The following UNC5C variants were observed in gnomAD, a reference collection of about 807,000 sequenced individuals.
UNC5C encodes the protein unc-5 netrin receptor C.
In UNC5C, 47 loss-of-function variants were observed where a neutral mutation model predicts 99.8. The observed-to-expected ratio is 0.47, with a 90% CI of 0.37 to 0.60. The LOEUF (loss-of-function observed/expected upper bound fraction) is 0.60, where lower values mean the gene tolerates loss of function less well. Among genes scored for constraint, UNC5C ranks in the 20% least tolerant of loss-of-function variants. The pLI is 0.00. For missense variants in UNC5C, 1,062 were observed against 1,165.9 expected (o/e 0.91, Z 1.30); for synonymous variants, 487 against 452.2 (o/e 1.08, Z -0.98).
chr4:95,377,772 G>A (rs1387237062), intron 1 of UNC5C, among the ~76,000 whole-genome samples: 3 of 152,134 alleles, frequency 2.0e-5, no homozygotes, highest in Non-Finnish European at 4.4e-5. Flanking sequence ...CTGTGTTCAC[G>A]CCCTACAGTT....
intron 1 of UNC5C, among the ~76,000 whole-genome samples, chr4:95,361,677 A>T (rs1371443430): frequency 6.6e-6 from 1 of 152,178 alleles, no homozygotes; most frequent in Non-Finnish European, 1.5e-5. Context: ...TTCAGTAGTC[A>T]AGAGTGCAGA....
At chr4:95,412,275 G>A (rs893939423) in intron 1 of UNC5C, among the ~76,000 whole-genome samples, 11 of 151,922 alleles carry the variant, frequency 7.2e-5, no homozygotes, top group Admixed American at 4.6e-4. Flanking sequence ...CGTTAATATC[G>A]CTCCACACAA....
chr4:95,219,762 A>G (rs1186838112), intron 8 of UNC5C, among the ~76,000 whole-genome samples: 1 of 152,232 alleles, frequency 6.6e-6, no homozygotes, highest in Non-Finnish European at 1.5e-5. Context: ...ATTAGAAGTT[A>G]AAAAGTGACA....
chr4:95,181,586 G>A (rs903955005), intron 14 of UNC5C, among the ~76,000 whole-genome samples: 1 of 152,146 alleles, frequency 6.6e-6, no homozygotes, highest in African/African-American at 2.4e-5. Context: ...GAGCCAGCAG[G>A]GGTGGTGCTG....
intron 1 of UNC5C, among the ~76,000 whole-genome samples, chr4:95,517,079 A>G (rs1458970385): frequency 6.6e-6 from 1 of 152,190 alleles, no homozygotes; most frequent in Admixed American, 6.5e-5. Context: ...TTTTTCTCAA[A>G]AACTAACTGT....
chr4:95,216,073 C>T, intron 10 of UNC5C, 51 bp downstream of exon 10: 3 of 1,496,958 alleles, frequency 2.0e-6, no homozygotes, highest in Non-Finnish European at 2.8e-6. Context: ...GTACAATTCT[C>T]CTCCAAGTTA....
At chr4:95,405,910 G>A (rs1745819639) in intron 1 of UNC5C, among the ~76,000 whole-genome samples, 1 of 152,124 alleles carries the variant, frequency 6.6e-6, no homozygotes, top group Admixed American at 6.5e-5. Context: ...TGTCATCACA[G>A]TAAATGGAAA....
intron 1 of UNC5C, among the ~76,000 whole-genome samples, chr4:95,337,891 C>T (rs868067396): frequency 6.6e-6 from 1 of 151,894 alleles, no homozygotes; most frequent in South Asian, 2.1e-4. Context: ...TAGAGAGATG[C>T]CTTAGCCAAC....
At chr4:95,360,577 G>A (rs1007256357) in intron 1 of UNC5C, among the ~76,000 whole-genome samples, 3 of 152,176 alleles carry the variant, frequency 2.0e-5, no homozygotes, top group Admixed American at 6.5e-5. Context: ...TGTTCCTTAT[G>A]AGCCAGAAAT....
intron 9 of UNC5C, among the ~76,000 whole-genome samples, chr4:95,218,023 T>C (rs1180496687): frequency 6.6e-6 from 1 of 152,108 alleles, no homozygotes; most frequent in Non-Finnish European, 1.5e-5. Context: ...AATGAAAGAG[T>C]GAATGACAGG....
intron 1 of UNC5C, among the ~76,000 whole-genome samples, chr4:95,355,340 A>G (rs754919217): frequency 6.6e-5 from 10 of 152,134 alleles, no homozygotes; most frequent in Non-Finnish European, 1.2e-4. Flanking sequence ...TTGAATGTCT[A>G]TTTTGGTATC....
intron 1 of UNC5C, among the ~76,000 whole-genome samples, chr4:95,426,039 C>CTT (rs1466883568): frequency 6.6e-6 from 1 of 152,102 alleles, no homozygotes; most frequent in East Asian, 1.9e-4. Flanking sequence ...TTTTATTGCA[C>CTT]TTTTCTTTAT....
chr4:95,413,185 T>C (rs972214400), intron 1 of UNC5C, among the ~76,000 whole-genome samples: 1 of 152,172 alleles, frequency 6.6e-6, no homozygotes. Context: ...CTTGATTTGT[T>C]GGAGTTATAA....
intron 4 of UNC5C, among the ~76,000 whole-genome samples, chr4:95,256,447 C>G (rs1218404506): frequency 2.0e-5 from 3 of 152,010 alleles, no homozygotes; most frequent in African/African-American, 4.8e-5. Flanking sequence ...TCTTTCTTAG[C>G]CCATTCAATG....
intron 8 of UNC5C, among the ~76,000 whole-genome samples, chr4:95,219,633 A>C (rs761364280): frequency 6.6e-6 from 1 of 152,200 alleles, no homozygotes; most frequent in East Asian, 1.9e-4. Flanking sequence ...TCCCTGGTCT[A>C]TACTGGATTT....
intron 3 of UNC5C, among the ~76,000 whole-genome samples, chr4:95,284,829 G>A (rs572989932): frequency 1.6e-4 from 24 of 152,132 alleles, no homozygotes; most frequent in Admixed American, 2.0e-4. Context: ...GCCAATGTGC[G>A]TATTTACAAA....
At chr4:95,382,721 T>C (rs1239265842) in intron 1 of UNC5C, among the ~76,000 whole-genome samples, 1 of 152,172 alleles carries the variant, frequency 6.6e-6, no homozygotes, top group Non-Finnish European at 1.5e-5. Flanking sequence ...GGCAATGGGA[T>C]AAATAGCCTT....
At chr4:95,462,282 A>G (rs993005498) in intron 1 of UNC5C, among the ~76,000 whole-genome samples, 5 of 152,238 alleles carry the variant, frequency 3.3e-5, no homozygotes, top group Non-Finnish European at 2.9e-5. Context: ...CAACAAAAAA[A>G]TGGGACATTC....
chr4:95,334,948 C>T (rs1743274508), intron 2 of UNC5C, among the ~76,000 whole-genome samples: 1 of 151,956 alleles, frequency 6.6e-6, no homozygotes, highest in Non-Finnish European at 1.5e-5. Context: ...TACTTTGAAT[C>T]TATGACATTT....
Sources: gnomAD v4.1 joint callset for allele counts (sites outside exome capture counted in the v4.1 genomes callset) on GRCh38, gnomAD v4.1.1 for gene constraint, MANE v1.5 for transcripts, NCBI Gene and HGNC (gene_info 2026-07-23, HGNC 2026-07-21) for gene names.